PPP6R3: variants seen among roughly 807,000 people sequenced by gnomAD.
PPP6R3 encodes serine/threonine-protein phosphatase 6 regulatory subunit 3.
In PPP6R3, 38 loss-of-function variants were observed where a neutral mutation model predicts 110.7. That is an observed-to-expected ratio of 0.34 (90% CI 0.26 to 0.45). The LOEUF is 0.45. Among genes scored for constraint, PPP6R3 ranks in the 20% least tolerant of loss-of-function variants. PPP6R3 has a pLI of 1.00. For missense variants in PPP6R3, 870 were observed against 1,062.4 expected, an observed-to-expected ratio of 0.82 and a Z score of 2.52; for synonymous variants, 369 against 373.5, an observed-to-expected ratio of 0.99 and a Z score of 0.14.
chr11:68,543,743 A>G (rs893854615), intron 3 of PPP6R3, among the ~76,000 whole-genome samples: 4 of 152,198 alleles, frequency 2.6e-5, no homozygotes, highest in Admixed American at 2.0e-4. Context: ...GCTGTCCAGC[A>G]GGGAGGAGTG....
Position 68,564,287 on chromosome 11 carries a change from CT to C in PPP6R3, c.846-14del. 2.5e-6 allele frequency: 4 copies of C among 1,590,664 alleles called. No individual in the cohort carries two copies. The highest frequency in any genetic ancestry group is 3.4e-6 in the Non-Finnish European group (4 of 1,165,558). On this transcript the variant is annotated splice_polypyrimidine_tract_variant and intron_variant, in intron 8 of 23. Transcript: ENST00000393800. The stretch of plus-strand genomic sequence containing the variant: ...TCTGAAATTATAATAACTAAAATTC[CT>C]TGCTTTGTTTCAAGATTTGAAGGCC...
chr11:68,517,591 G>C (rs1002720865), intron 1 of PPP6R3, among the ~76,000 whole-genome samples: 1 of 152,164 alleles, frequency 6.6e-6, no homozygotes, highest in African/African-American at 2.4e-5. Context: ...AGAGCATGCA[G>C]GAAGGGGCTC....
At chr11:68,598,233 C>T (rs781399879) in intron 19 of PPP6R3, among the ~76,000 whole-genome samples, 25 of 152,148 alleles carry the variant, frequency 1.6e-4, no homozygotes, top group Non-Finnish European at 3.5e-4. Context: ...CTTCAGAGTT[C>T]ATCCCTGCTG....
chr11:68,588,717 T>G (rs1447335577), intron 16 of PPP6R3, among the ~76,000 whole-genome samples: 1 of 150,086 alleles, frequency 6.7e-6, no homozygotes, highest in Non-Finnish European at 1.5e-5. Flanking sequence ...AGTGCTGGGA[T>G]TACAGGCGTG....
chr11:68,476,374 A>G (rs1263442997), intron 1 of PPP6R3, among the ~76,000 whole-genome samples: 2 of 149,196 alleles, frequency 1.3e-5, no homozygotes, highest in African/African-American at 4.9e-5. Context: ...GAGGCAGGAG[A>G]ATCAGGCAGG....
intron 16 of PPP6R3, among the ~76,000 whole-genome samples, chr11:68,589,410 G>A (rs1032870870): frequency 6.6e-6 from 1 of 152,044 alleles, no homozygotes. Context: ...TGCAGTCAGG[G>A]TAAGAAGCAG....
chr11:68,474,375 T>C (rs1222344792), intron 1 of PPP6R3, among the ~76,000 whole-genome samples: 1 of 152,232 alleles, frequency 6.6e-6, no homozygotes, highest in Non-Finnish European at 1.5e-5. Context: ...ATATTGGCTA[T>C]TTGTATATCT....
At chr11:68,461,240 G>C (rs977956990) in intron 1 of PPP6R3, among the ~76,000 whole-genome samples, 4 of 151,790 alleles carry the variant, frequency 2.6e-5, no homozygotes, top group African/African-American at 9.7e-5. Context: ...CTCCCGCTGG[G>C]CCTCCCGGGG....
chr11:68,608,937 A>G (rs537387618), intron 22 of PPP6R3, among the ~76,000 whole-genome samples: 14 of 152,332 alleles, frequency 9.2e-5, no homozygotes, highest in African/African-American at 3.4e-4. Flanking sequence ...TCACTAAATC[A>G]TATGATTTTA....
chr11:68,519,198 G>A (rs1383976482), intron 1 of PPP6R3, among the ~76,000 whole-genome samples: 6 of 152,142 alleles, frequency 3.9e-5, no homozygotes, highest in African/African-American at 1.4e-4. Context: ...TAGAATTGAT[G>A]TTTTCAGAAG....
At chr11:68,549,078 A>G (rs987613059) in intron 5 of PPP6R3, among the ~76,000 whole-genome samples, 1 of 152,088 alleles carries the variant, frequency 6.6e-6, no homozygotes, top group Non-Finnish European at 1.5e-5. Flanking sequence ...TTTAGTAGAG[A>G]CAGGGTTTCA....
At chr11:68,522,214 A>T (rs565805726) in intron 2 of PPP6R3, among the ~76,000 whole-genome samples, 1 of 152,312 alleles carries the variant, frequency 6.6e-6, no homozygotes, top group East Asian at 1.9e-4. Context: ...AAATATGGAG[A>T]TTGCCTTTGC....
chr11:68,500,558 A>G (rs918286473), intron 1 of PPP6R3, among the ~76,000 whole-genome samples: 2 of 152,134 alleles, frequency 1.3e-5, no homozygotes, highest in South Asian at 2.1e-4. Flanking sequence ...GCTCACTGCA[A>G]CCTCCACCAC....
intron 20 of PPP6R3, among the ~76,000 whole-genome samples, chr11:68,601,492 A>G (rs777388334): frequency 3.3e-5 from 5 of 152,126 alleles, no homozygotes; most frequent in Non-Finnish European, 5.9e-5. Context: ...TTTTTGTAAA[A>G]CCAGTCAACC....
chr11:68,505,615 G>A (rs939009060), intron 1 of PPP6R3, among the ~76,000 whole-genome samples: 1 of 152,110 alleles, frequency 6.6e-6, no homozygotes, highest in African/African-American at 2.4e-5. Context: ...GCAATAAAAA[G>A]TAATGGCAAA....
At chr11:68,515,749 CTG>C (rs890273089) in intron 1 of PPP6R3, among the ~76,000 whole-genome samples, 3 of 152,180 alleles carry the variant, frequency 2.0e-5, no homozygotes, top group Non-Finnish European at 2.9e-5. Flanking sequence ...CTCCATTTAA[CTG>C]TAATTACTTC....
In PPP6R3 at chr11:68,587,926, G is replaced by C. The variant is rs771115172; in HGVS notation, c.1633-1G>C. ...ACTGTCACTGGTCCTGGGGTTGCCA[G>C]GCCTTTTCTGATTATCAGATGCAAC... On this transcript the variant is annotated splice_acceptor_variant, in intron 15 of 23. Transcript: ENST00000393800. LOFTEE classifies it high-confidence loss of function. 1 of 1,613,862 alleles carries C rather than the reference G, an allele frequency of 6.2e-7. No individual in the cohort carries two copies. Among genetic ancestry groups the C allele is most frequent in the Admixed American group, 1.7e-5 (1 of 60,024 alleles).
intron 1 of PPP6R3, among the ~76,000 whole-genome samples, chr11:68,462,088 G>A (rs1271594379): frequency 1.3e-5 from 2 of 152,318 alleles, no homozygotes. Flanking sequence ...AGTTTGTCAG[G>A]ATAATTGCCC....
intron 1 of PPP6R3, among the ~76,000 whole-genome samples, chr11:68,478,559 C>T (rs1000690840): frequency 2.0e-5 from 3 of 148,486 alleles, no homozygotes; most frequent in African/African-American, 5.0e-5. Flanking sequence ...GTGGCCTTAA[C>T]GTTTTAGGCG....
Sources: allele counts gnomAD v4.1 joint callset (sites outside exome capture counted in the v4.1 genomes callset), GRCh38; gene constraint gnomAD v4.1.1; transcripts MANE v1.5; gene names NCBI Gene and HGNC (gene_info 2026-07-23, HGNC 2026-07-21).